ACLY: variants seen among roughly 807,000 people sequenced by gnomAD.
The protein encoded by ACLY is ATP citrate lyase, also known as ATP-citrate synthase.
ACLY carries 41 observed loss-of-function variants against 133.0 expected under a neutral mutation model. The ratio of observed to expected loss-of-function variants is 0.31; its 90% CI spans 0.24 to 0.40. ACLY has a LOEUF of 0.40. Among genes scored for constraint, ACLY ranks in the 10% least tolerant of loss-of-function variants. The pLI is 1.00. For missense variants in ACLY, 1,046 were observed against 1,453.8 expected (o/e 0.72, Z 4.56); for synonymous variants, 495 against 549.3 (o/e 0.90, Z 1.38).
At chr17:41,918,857 C>A in intron 1 of ACLY, 23 bp downstream of exon 1, 1 of 1,286,944 alleles carries the variant, frequency 7.8e-7, no homozygotes, top group Non-Finnish European at 1.0e-6. Context: ...CTCCAGCCAG[C>A]GAAAACAGCC....
chr17:41,884,818 C>A (rs782673176), intron 18 of ACLY, among the ~76,000 whole-genome samples: 1 of 152,098 alleles, frequency 6.6e-6, no homozygotes. Flanking sequence ...ATTTTTTGAT[C>A]GTCTCAAAAA....
intron 28 of ACLY, 138 bp from the exon 29 acceptor site, chr17:41,868,042 A>G: frequency 2.0e-6 from 1 of 506,808 alleles, no homozygotes; most frequent in Non-Finnish European, 3.5e-6. Flanking sequence ...AATCCACTGT[A>G]TAGGTAGATG....
intron 12 of ACLY, among the ~76,000 whole-genome samples, chr17:41,898,404 TGC>T (rs1465050903): frequency 3.9e-5 from 6 of 152,160 alleles, no homozygotes; most frequent in Admixed American, 2.6e-4. Flanking sequence ...TGAGCCACCA[TGC>T]CCGGCCACAA....
chr17:41,880,984 T>C (rs1396771764), intron 20 of ACLY, among the ~76,000 whole-genome samples: 3 of 134,876 alleles, frequency 2.2e-5, no homozygotes, highest in Admixed American at 7.4e-5. Flanking sequence ...GTCCTGATCA[T>C]GGTGGGGATG....
intron 10 of ACLY, among the ~76,000 whole-genome samples, chr17:41,903,827 T>G (rs1486617521): frequency 7.6e-6 from 1 of 131,926 alleles, no homozygotes; most frequent in Non-Finnish European, 1.6e-5. Flanking sequence ...GTGTTGAAAG[T>G]AAGGAGGATC....
rs34078258 is a variant in ACLY, at chr17:41,882,367, CAAAAAAAA to C, written c.2265+747_2265+754del. 1.1e-3 allele frequency among the ~76,000 whole-genome samples: 45 copies of C among 40,248 alleles called. 1 individual carries two copies. In the South Asian group the frequency reaches 0.019, roughly 17 times the overall value. The allele number at this position is 40,248 out of a possible 152,430, so 26.4% of individuals were successfully genotyped here. On this transcript the variant is annotated intron_variant, in intron 20 of 28. Coordinates refer to ENST00000352035, the MANE Select transcript of ACLY (RefSeq NM_001096.3). ...GGGCGACAGAGTGAGACCCTGTCTC[CAAAAAAAA>C]AAAAAAAAAAAAAAAAAAAAAAGTT...
upstream of ACLY, among the ~76,000 whole-genome samples, chr17:41,921,504 A>G (rs2050182723): frequency 6.7e-6 from 1 of 150,168 alleles, no homozygotes; most frequent in East Asian, 2.0e-4. Flanking sequence ...AACAAAAAAG[A>G]AAAAAAGGAA....
At chr17:41,902,003 C>T (rs1210343533) in intron 10 of ACLY, among the ~76,000 whole-genome samples, 190 bp from the exon 11 acceptor site, 1 of 152,160 alleles carries the variant, frequency 6.6e-6, no homozygotes, top group Non-Finnish European at 1.5e-5. Context: ...CGTGGGGTAC[C>T]CGGGATTGAC....
intron 20 of ACLY, among the ~76,000 whole-genome samples, chr17:41,882,298 C>T (rs1299342486): frequency 1.6e-5 from 2 of 124,738 alleles, no homozygotes; most frequent in Non-Finnish European, 1.6e-5. Flanking sequence ...ACCCAGGAGG[C>T]GGAGGTTGCA....
chr17:41,878,780 C>T lies in ACLY; in HGVS notation c.2393+17G>A, dbSNP rs1555626618. 1 of 1,613,326 alleles carries T rather than the reference C, an allele frequency of 6.2e-7. No homozygotes were observed. Among genetic ancestry groups the T allele is most frequent in the Non-Finnish European group, 8.5e-7 (1 of 1,179,722 alleles). On this transcript the variant is annotated intron_variant, in intron 21 of 28. Coordinates refer to ENST00000352035, the MANE Select transcript of ACLY (RefSeq NM_001096.3). ...GAAAGGAGGGGGAGGCCGGCATCCTCCCCAAGGTCCACTTACTGGATGATC... is the reference window on the plus strand; with the variant it reads ...GAAAGGAGGGGGAGGCCGGCATCCTTCCCAAGGTCCACTTACTGGATGATC...
At chr17:41,876,660 A>G (rs2144230636) in intron 22 of ACLY, among the ~76,000 whole-genome samples, 1 of 152,352 alleles carries the variant, frequency 6.6e-6, no homozygotes, top group African/African-American at 2.4e-5. Flanking sequence ...ACTCAGGGTT[A>G]AATGGATTAA....
chr17:41,892,275 C>A lies in ACLY; in HGVS notation c.1770+4G>T. 1 of 757,844 alleles carries A rather than the reference C, an allele frequency of 1.3e-6. No homozygotes were observed. Among genetic ancestry groups the A allele is most frequent in the South Asian group, 1.8e-5 (1 of 54,848 alleles). 46.9% of individuals were successfully genotyped at this position (757,844 alleles called of 1,614,324 possible). On this transcript the variant is annotated splice_donor_region_variant and intron_variant, in intron 16 of 28. Coordinates refer to ENST00000352035, the MANE Select transcript of ACLY (RefSeq NM_001096.3). The stretch of plus-strand genomic sequence containing the variant: ...CCCCCACCCTCCAGAGCCCAGTGAT[C>A]TACCTGGGCATAGTTCATGGTCTCC...
chr17:41,876,907 C>A (rs1281763678), intron 22 of ACLY, among the ~76,000 whole-genome samples: 8 of 143,032 alleles, frequency 5.6e-5, no homozygotes, highest in Non-Finnish European at 9.2e-5. Context: ...ATGATCAATA[C>A]AAAAAAATAA....
chr17:41,892,240 T>TGGG, intron 16 of ACLY, 39 bp downstream of exon 16: 3 of 400,156 alleles, frequency 7.5e-6, no homozygotes, highest in Non-Finnish European at 1.2e-5. Context: ...GCATAGTTCA[T>TGGG]GGTCCCCACC....
chr17:41,878,326 G>C, intron 21 of ACLY, 130 bp from the exon 22 acceptor site: 1 of 575,444 alleles, frequency 1.7e-6, no homozygotes, highest in South Asian at 3.1e-5. Flanking sequence ...GCTGAATTCT[G>C]AGAACTAAAT....
At chr17:41,919,866 A>G (rs782521017), upstream of ACLY, among the ~76,000 whole-genome samples, 22 of 152,196 alleles carry the variant, frequency 1.4e-4, no homozygotes, top group South Asian at 1.2e-3. Context: ...GTGGGGCAGA[A>G]TATGTGAAAT....
At chr17:41,913,100 C>A (rs1346243231) in intron 2 of ACLY, among the ~76,000 whole-genome samples, 2 of 152,174 alleles carry the variant, frequency 1.3e-5, no homozygotes, top group African/African-American at 4.8e-5. Flanking sequence ...AACACCACCA[C>A]TAGTCCTAGG....
intron 10 of ACLY, among the ~76,000 whole-genome samples, chr17:41,902,172 G>A (rs2049559157): frequency 6.6e-6 from 1 of 152,216 alleles, no homozygotes; most frequent in African/African-American, 2.4e-5. Context: ...GAGGTACTAA[G>A]ACATAGTCAA....
chr17:41,886,941 T>C (rs1386949438), intron 17 of ACLY, among the ~76,000 whole-genome samples: 3 of 151,858 alleles, frequency 2.0e-5, no homozygotes, highest in Admixed American at 6.6e-5. Context: ...CTGGCTAACA[T>C]GGTGAAACCC....
Sources: gnomAD v4.1 joint callset for allele counts (sites outside exome capture counted in the v4.1 genomes callset) on GRCh38, gnomAD v4.1.1 for gene constraint, MANE v1.5 for transcripts, NCBI Gene and HGNC (gene_info 2026-07-23, HGNC 2026-07-21) for gene names.